PTPN9: variants seen among roughly 807,000 people sequenced by gnomAD.
PTPN9 encodes the protein tyrosine-protein phosphatase non-receptor type 9.
In PTPN9, 26 loss-of-function variants were observed where a neutral mutation model predicts 69.8. The ratio of observed to expected loss-of-function variants is 0.37; its 90% confidence interval spans 0.27 to 0.52. The LOEUF is 0.52. PTPN9 is among the 20% of genes least tolerant of loss of function. The probability of loss-of-function intolerance (pLI) is 0.91; values close to 1 mark genes in which losing one functional copy is unlikely to be tolerated. For missense variants in PTPN9, 549 were observed against 740.3 expected (o/e 0.74, Z 3.00); for synonymous variants, 274 against 272.5 (o/e 1.01, Z -0.05).
At chr15:75,539,971 C>T (rs992579079) in intron 1 of PTPN9, among the ~76,000 whole-genome samples, 14 of 152,318 alleles carry the variant, frequency 9.2e-5, no homozygotes, top group African/African-American at 2.9e-4. Context: ...AGAGCCGCCA[C>T]GTCTGGCCTG....
At chr15:75,546,010 T>C (rs1208006785) in intron 1 of PTPN9, among the ~76,000 whole-genome samples, 1 of 152,190 alleles carries the variant, frequency 6.6e-6, no homozygotes, top group African/African-American at 2.4e-5. Flanking sequence ...TCTCTACCCA[T>C]AAAAATCTGA....
chr15:75,503,595 G>A (rs1309880834), intron 7 of PTPN9, among the ~76,000 whole-genome samples: 292 of 126,406 alleles, frequency 2.3e-3, no homozygotes, highest in African/African-American at 3.7e-3. Context: ...GAGGGAGGTG[G>A]GGGGGTCAGC....
At chr15:75,540,543 TAAAA>T (rs1295928433) in intron 1 of PTPN9, among the ~76,000 whole-genome samples, 35 of 112,798 alleles carry the variant, frequency 3.1e-4, no homozygotes, top group Non-Finnish European at 5.5e-4. Flanking sequence ...ACTCTGTCTC[TAAAA>T]AAAAAAAAAA....
At chr15:75,503,529 C>G (rs1261583459) in intron 7 of PTPN9, among the ~76,000 whole-genome samples, 36 of 118,192 alleles carry the variant, frequency 3.0e-4, no homozygotes, top group Non-Finnish European at 5.2e-4. Flanking sequence ...GCAGCCGCCC[C>G]GTCCGGGAGG....
At chr15:75,491,963 G>A (rs1320555878) in intron 7 of PTPN9, among the ~76,000 whole-genome samples, 1 of 152,140 alleles carries the variant, frequency 6.6e-6, no homozygotes, top group Admixed American at 6.6e-5. Flanking sequence ...CTGGAGTCCA[G>A]TGGCACAATC....
Position 75,578,813 on chromosome 15 carries a change from C to G in PTPN9, c.-37G>C, listed in dbSNP as rs555166607. 8 of 1,205,840 alleles carry G rather than the reference C, an allele frequency of 6.6e-6. No homozygotes were observed. The African/African-American group carries it at 1.3e-4, about 19-fold the overall frequency. The allele number at this position is 1,205,840 out of a possible 1,614,324, so 74.7% of individuals were successfully genotyped here. ...CGCCGCCGGGCGGACAAAACTCGCTCGCGAGCGCGGGAGCCCGGCGCGCTC... is the reference window on the plus strand; with the variant it reads ...CGCCGCCGGGCGGACAAAACTCGCTGGCGAGCGCGGGAGCCCGGCGCGCTC... On this transcript the variant is annotated 5_prime_UTR_variant, in exon 1 of 13. Coordinates refer to ENST00000618819, the MANE Select transcript of PTPN9 (RefSeq NM_002833.4).
intron 7 of PTPN9, among the ~76,000 whole-genome samples, chr15:75,502,806 C>T (rs1274220333): frequency 1.3e-5 from 2 of 152,174 alleles, no homozygotes; most frequent in East Asian, 3.9e-4. Context: ...AGAGAGTAGC[C>T]TATTTTGAAC....
intron 7 of PTPN9, among the ~76,000 whole-genome samples, chr15:75,499,749 G>A (rs1339082976): frequency 6.6e-6 from 1 of 151,936 alleles, no homozygotes; most frequent in Non-Finnish European, 1.5e-5. Flanking sequence ...TAGTAGAAAT[G>A]ACATCTCAAG....
chr15:75,562,648 G>A (rs970615901), intron 1 of PTPN9, among the ~76,000 whole-genome samples: 2 of 151,908 alleles, frequency 1.3e-5, no homozygotes, highest in South Asian at 2.1e-4. Flanking sequence ...TGGCTAACAC[G>A]GTGAAACCCC....
Position 75,508,910 on chromosome 15 carries a change from G to T in PTPN9, c.639+7C>A. 6.3e-7 allele frequency: 1 copy of T among 1,599,056 alleles called. No homozygotes were observed. The highest frequency in any genetic ancestry group is 8.6e-7 in the Non-Finnish European group (1 of 1,166,634). ...CCTCCAGATAAAAAAGGGCAAGCTTGCCTTACCCTCTCCCGGACTTTGTCC... is the reference window on the plus strand; with the variant it reads ...CCTCCAGATAAAAAAGGGCAAGCTTTCCTTACCCTCTCCCGGACTTTGTCC... On this transcript the variant is annotated splice_region_variant and intron_variant, in intron 6 of 12. Coordinates refer to ENST00000618819, the MANE Select transcript of PTPN9 (RefSeq NM_002833.4).
rs1595975852 is a variant in PTPN9 at position 75,579,178 on chromosome 15, T to TTCCTCGGCCGCGCTCCCGC, written c.-421_-403dup. The TTCCTCGGCCGCGCTCCCGC allele has an allele frequency of 2.0e-5, 3 of 152,398 alleles. No homozygotes were observed. Among genetic ancestry groups the TTCCTCGGCCGCGCTCCCGC allele is most frequent in the African/African-American group, 7.2e-5 (3 of 41,464 alleles). The allele number at this position is 152,398 out of a possible 1,614,324, so 9.4% of individuals were successfully genotyped here. A position where few individuals can be genotyped will look rare whatever the true frequency, so the allele number is the denominator to read the frequency against. On this transcript the variant is annotated 5_prime_UTR_variant, in exon 1 of 13. Coordinates refer to ENST00000618819, the MANE Select transcript of PTPN9 (RefSeq NM_002833.4). ...GCCGCCGACCCCCTCGGCGCCCCGC[T>TTCCTCGGCCGCGCTCCCGC]TCCTCGGCCGCGCTCCCGCTCCTCC... is the stretch of plus-strand genomic sequence containing the variant.
intron 1 of PTPN9, among the ~76,000 whole-genome samples, chr15:75,535,275 C>T (rs551280309): frequency 1.3e-5 from 2 of 152,236 alleles, no homozygotes; most frequent in African/African-American, 4.8e-5. Context: ...GGATTACAGG[C>T]CTGAGCCACC....
intron 2 of PTPN9, 59 bp downstream of exon 2, chr15:75,527,059 G>A: frequency 6.3e-7 from 1 of 1,592,696 alleles, no homozygotes; most frequent in South Asian, 1.1e-5. Flanking sequence ...AGCATGACAG[G>A]GACAACAGCA....
chr15:75,472,341 C>G (rs1393781435), intron 10 of PTPN9, among the ~76,000 whole-genome samples: 1 of 151,424 alleles, frequency 6.6e-6, no homozygotes, highest in Non-Finnish European at 1.5e-5. Flanking sequence ...CGCCTGAAGT[C>G]CCAGCTACTC....
chr15:75,573,103 G>A (rs909258161), intron 1 of PTPN9, among the ~76,000 whole-genome samples: 10 of 152,204 alleles, frequency 6.6e-5, no homozygotes, highest in Non-Finnish European at 1.0e-4. Flanking sequence ...GTAATGTAGT[G>A]TAAAAGAGGA....
rs2074526350 is a variant in PTPN9, at chr15:75,463,874, G to A, written c.*4895C>T. 1 of 152,236 alleles carries A rather than the reference G, an allele frequency of 6.6e-6. No individual in the cohort carries two copies. Among genetic ancestry groups the A allele is most frequent in the Non-Finnish European group, 1.5e-5 (1 of 68,070 alleles). The allele number at this position is 152,236 out of a possible 1,614,324, so 9.4% of individuals were successfully genotyped here. A position where few individuals can be genotyped will look rare whatever the true frequency, so the allele number is the denominator to read the frequency against. On this transcript the variant is annotated 3_prime_UTR_variant, in exon 13 of 13. Transcript: ENST00000618819. ...ATGGGCATTTCCATTCCTGCCCTTG[G>A]TAGGCTCACAGTGGTTTGTGGGAGT...
intron 1 of PTPN9, among the ~76,000 whole-genome samples, chr15:75,545,840 T>C (rs1035643514): frequency 6.6e-6 from 1 of 152,124 alleles, no homozygotes; most frequent in Admixed American, 6.6e-5. Context: ...TCCCAGCTAC[T>C]TGGGAAGCTG....
chr15:75,549,766 C>G (rs948678300), intron 1 of PTPN9, among the ~76,000 whole-genome samples: 1 of 152,064 alleles, frequency 6.6e-6, no homozygotes, highest in Non-Finnish European at 1.5e-5. Context: ...CTTGAGACCA[C>G]GGGTTCAAAA....
chr15:75,546,259 G>A (rs780195273), intron 1 of PTPN9, among the ~76,000 whole-genome samples: 3 of 152,146 alleles, frequency 2.0e-5, no homozygotes, highest in African/African-American at 7.2e-5. Flanking sequence ...CAGCTACTGG[G>A]AGACCCCTTC....
Sources: allele counts gnomAD v4.1 joint callset (sites outside exome capture counted in the v4.1 genomes callset), GRCh38; gene constraint gnomAD v4.1.1; transcripts MANE v1.5; gene names NCBI Gene and HGNC (gene_info 2026-07-23, HGNC 2026-07-21).